Variants in RUNDC1 observed in about 807,000 individuals in gnomAD.
RUNDC1 encodes the protein RUN domain containing 1.
A neutral mutation model predicts 49.3 loss-of-function variants in RUNDC1; 31 were observed. The ratio of observed to expected loss-of-function variants is 0.63; its 90% CI spans 0.47 to 0.85. RUNDC1 has a LOEUF of 0.85. RUNDC1 is among the 40% of genes least tolerant of loss of function. The probability of loss-of-function intolerance (pLI) is 0.00; values close to 1 mark genes in which losing one functional copy is unlikely to be tolerated. For missense variants in RUNDC1, 715 were observed against 806.7 expected, an observed-to-expected ratio of 0.89 and a Z score of 1.38; for synonymous variants, 347 against 348.6, an observed-to-expected ratio of 1.00 and a Z score of 0.05.
chr17:42,990,524 G>A, intron 4 of RUNDC1, 88 bp downstream of exon 4: 1 of 1,346,376 alleles, frequency 7.4e-7, no homozygotes, highest in Non-Finnish European at 1.0e-6. Context: ...GAGGAGAAGA[G>A]GGGAATGAGA....
At chr17:42,981,889 T>G (rs1195328418) in intron 1 of RUNDC1, 1 of 152,162 alleles carries the variant, frequency 6.6e-6, no homozygotes, top group East Asian at 1.9e-4. Context: ...GTAGTGAAAC[T>G]ATGTATAAGA....
chr17:42,980,715 G>A lies in RUNDC1; in HGVS notation c.139G>A (p.Ala47Thr). 6.5e-7 allele frequency: 1 copy of A among 1,549,954 alleles called. No homozygotes were observed. Among genetic ancestry groups the A allele is most frequent in the South Asian group, 1.2e-5 (1 of 84,892 alleles). Residue 47 changes from alanine to threonine, a missense_variant, in exon 1 of 5, where the codon GCG becomes ACG. Coordinates refer to ENST00000361677, the MANE Select transcript of RUNDC1 (RefSeq NM_173079.5). ...GCGCTGGGCCCCAGTGGGGGCGGTG[G>A]CGGAGGCCCGGCCTGGGGCAACCGC... ...AVRWAPVGAV[A>T]EARPGATAFL...
Position 42,993,716 on chromosome 17 carries a change from G to A in RUNDC1, c.*2000G>A, listed in dbSNP as rs1401980607. On this transcript the variant is annotated 3_prime_UTR_variant, in exon 5 of 5. Transcript: ENST00000361677. Reference sequence around the variant, plus strand: ...CCTGTATCCTCTGTCCTCTGTTACGGATCATCTCAGCTTTGGTGGTGGTAG... The same window carrying A: ...CCTGTATCCTCTGTCCTCTGTTACGAATCATCTCAGCTTTGGTGGTGGTAG... The A allele has an allele frequency of 6.6e-6, 1 of 152,058 alleles. No homozygotes were observed. The highest frequency in any genetic ancestry group is 6.6e-5 in the Admixed American group (1 of 15,242). 9.4% of individuals were successfully genotyped at this position (152,058 alleles called of 1,614,324 possible).
At position 42,991,167 on chromosome 17, in the gene RUNDC1, G is replaced by A. The variant is rs763857356; in HGVS notation, c.1293G>A (p.Thr431=). 27 of 1,614,076 alleles carry A rather than the reference G, an allele frequency of 1.7e-5. No individual in the cohort carries two copies. The highest frequency in any genetic ancestry group is 1.6e-4 in the Middle Eastern group (1 of 6,084). ...CTATGGCTGTGCGGAAGGAGCTAACGGTGGCTGTGAGGGACCTGCTGGCCC... is the reference window on the plus strand; with the variant it reads ...CTATGGCTGTGCGGAAGGAGCTAACAGTGGCTGTGAGGGACCTGCTGGCCC... ...ELTMAVRKEL[T]VAVRDLLAHG... Residue 431 remains threonine (T), a synonymous_variant, in exon 5 of 5, where the codon ACG becomes ACA. Coordinates refer to ENST00000361677, the MANE Select transcript of RUNDC1 (RefSeq NM_173079.5).
In RUNDC1 at chr17:42,994,897, G is replaced by T. The variant is rs1266652009; in HGVS notation, c.*3181G>T. 1.2e-4 allele frequency among the ~76,000 whole-genome samples: 19 copies of T among 152,194 alleles called. No homozygotes were observed. Among genetic ancestry groups the T allele is most frequent in the Non-Finnish European group, 1.5e-5 (1 of 68,028 alleles). On this transcript the variant is annotated 3_prime_UTR_variant, in exon 5 of 5. Coordinates refer to ENST00000361677, the MANE Select transcript of RUNDC1 (RefSeq NM_173079.5). The stretch of plus-strand genomic sequence containing the variant: ...TGGAAGGGTCAAGAGCCACGGATAT[G>T]TATGCAGTGGAAATGTAGGGTGTGT...
Position 42,991,831 on chromosome 17 carries a change from G to C in RUNDC1, c.*115G>C. 1 of 1,172,090 alleles carries C rather than the reference G, an allele frequency of 8.5e-7. No individual in the cohort carries two copies. 72.6% of individuals were successfully genotyped at this position (1,172,090 alleles called of 1,614,324 possible). On this transcript the variant is annotated 3_prime_UTR_variant, in exon 5 of 5. Transcript: ENST00000361677. The stretch of plus-strand genomic sequence containing the variant: ...GTTAAAGGCATTTTTCCCAGACCCT[G>C]CTCAGGCAGTCGGCCAAATGAGTGC...
In RUNDC1 at chr17:42,980,803, C is replaced by T. The variant is rs1264118777; in HGVS notation, c.227C>T (p.Pro76Leu). ...GCCCCGGGCTCCCCGCCGGATTCGC[C>T]GGGCCGGACGCTGCGGCGGCTGCGG... The part of the protein sequence containing the change: ...GAAPGSPPDS[P>L]GRTLRRLRAE... The change falls in exon 1 of 5, where the codon CCG becomes CTG. Residue 76 changes from proline to leucine, a missense_variant. Pro to Leu is a moderately conservative substitution (Grantham distance 98, BLOSUM62 -3). This residue lies in a region of RUNDC1 where 153 missense variants were observed against 139.4 expected (regional missense o/e 1.10). Transcript: ENST00000361677. 7.2e-7 allele frequency: 1 copy of T among 1,382,522 alleles called. No individual in the cohort carries two copies. The allele number at this position is 1,382,522 out of a possible 1,614,324, so 85.6% of individuals were successfully genotyped here.
chr17:42,984,426 A>T (rs963085326), intron 1 of RUNDC1, among the ~76,000 whole-genome samples: 3 of 151,940 alleles, frequency 2.0e-5, no homozygotes, highest in Admixed American at 1.3e-4. Flanking sequence ...GACTGCAGGC[A>T]TGTGCCACTA....
At position 42,991,431 on chromosome 17, in the gene RUNDC1, C is replaced by T. The variant is rs200841189; in HGVS notation, c.1557C>T (p.Ala519=). The T allele has an allele frequency of 3.1e-6, 5 of 1,614,242 alleles. No homozygotes were observed. In the East Asian group the frequency reaches 8.9e-5, roughly 29 times the overall value. ...CCCCCAAACAGAGCCTACTGACAGC[C>T]ATCCACATGGTGCTGACAGAGCATG... ...VVTPKQSLLT[A]IHMVLTEHDP... is the part of the protein sequence containing the mutation. Residue 519 remains alanine, a synonymous_variant, in exon 5 of 5, where the codon GCC becomes GCT. Transcript: ENST00000361677.
intron 1 of RUNDC1, among the ~76,000 whole-genome samples, chr17:42,983,648 A>G (rs2050132086): frequency 6.6e-6 from 1 of 150,540 alleles, no homozygotes; most frequent in South Asian, 2.1e-4. Flanking sequence ...GCTGGATTAC[A>G]GGCATGAACC....
At position 42,990,368 on chromosome 17, in the gene RUNDC1, C is replaced by T. The variant is rs1289848937; in HGVS notation, c.908C>T (p.Ala303Val). Residue 303 changes from alanine (A) to valine (V), a missense_variant, in exon 4 of 5, where the codon GCC (alanine) becomes GTC (valine). Ala to Val is a moderately conservative substitution (Grantham distance 64). Transcript: ENST00000361677. Reference protein sequence around the residue: ...QTGGGHCECKAGGKTGNGCSR... With the variant: ...QTGGGHCECKVGGKTGNGCSR... ...GGTGGTGGACACTGTGAGTGCAAGG[C>T]CGGTGGGAAGACAGGAAATGGCTGC... 25 of 1,613,910 alleles carry T rather than the reference C, an allele frequency of 1.5e-5. No individual in the cohort carries two copies. The highest frequency in any genetic ancestry group is 2.1e-5 in the Non-Finnish European group (25 of 1,180,008).
rs1430491505 is a variant in RUNDC1, at chr17:42,991,713, T to A, written c.1839T>A (p.Phe613Leu). 1 of 1,608,870 alleles carries A rather than the reference T, an allele frequency of 6.2e-7. No individual in the cohort carries two copies. Among genetic ancestry groups the A allele is most frequent in the Non-Finnish European group, 8.5e-7 (1 of 1,177,792 alleles). The change falls in exon 5 of 5, where the codon TTT becomes TTA. Residue 613 changes from phenylalanine to leucine, a missense_variant. Physicochemically the swap from Phe to Leu is conservative, Grantham distance 22 (BLOSUM62 0). Around this residue, in one of 5 missense-constraint regions of RUNDC1, gnomAD observed 425 missense variants for 499.7 expected, o/e 0.85. Transcript: ENST00000361677. ...VRQLKNIKDA[F>L] ...AGCTCAAAAACATCAAAGATGCCTT[T>A]TGATGAGAGTGCCCTAACCCCAGAC...
chr17:42,986,805 TTA>T (rs1411898348), intron 1 of RUNDC1, among the ~76,000 whole-genome samples: 1 of 152,018 alleles, frequency 6.6e-6, no homozygotes, highest in Non-Finnish European at 1.5e-5. Context: ...GGCCAGCTGG[TTA>T]TGAGTTTTAA....
At position 42,989,406 on chromosome 17, in the gene RUNDC1, C is replaced by T. The variant is rs1401022138; in HGVS notation, c.723C>T (p.Ser241=). 8.1e-6 allele frequency: 13 copies of T among 1,613,874 alleles called. 1 individual carries two copies. The highest frequency in any genetic ancestry group is 3.3e-4 in the Middle Eastern group (2 of 6,082). ...TGAATGAGGACATCAGTTCCCTGTC[C>T]ACTGAAGAGCTTCGTCAGCGTGTAG... ...MNLNEDISSL[S]TEELRQRVDA... Residue 241 remains serine (S), a synonymous_variant, in exon 3 of 5, where the codon TCC becomes TCT. Coordinates refer to ENST00000361677, the MANE Select transcript of RUNDC1 (RefSeq NM_173079.5).
Position 42,989,655 on chromosome 17 carries a change from G to T in RUNDC1, c.856+116G>T. The T allele has an allele frequency of 7.5e-6, 7 of 931,500 alleles. No homozygotes were observed. The South Asian group carries it at 9.3e-5, about 12-fold the overall frequency. 57.7% of individuals were successfully genotyped at this position (931,500 alleles called of 1,614,324 possible). A position where few individuals can be genotyped will look rare whatever the true frequency, so the allele number is the denominator to read the frequency against. On this transcript the variant is annotated intron_variant, in intron 3 of 4. Coordinates refer to ENST00000361677, the MANE Select transcript of RUNDC1 (RefSeq NM_173079.5). ...TTTTTGTTCTTTTTTGGGCGGTGGG[G>T]ACAGTGTCTCTCTCTGTTCCCCTGG...
At position 42,991,232 on chromosome 17, in the gene RUNDC1, T is replaced by C. The variant is rs368096797; in HGVS notation, c.1358T>C (p.Met453Thr). ...TCCTCCCCAGGGATGAGCCTTGTTA[T>C]GGCTCCTATTGCTTGTTTGCTGCCA... The part of the protein sequence containing the change: ...YASSPGMSLV[M>T]APIACLLPAF... Residue 453 changes from methionine to threonine, a missense_variant, in exon 5 of 5, where the codon ATG becomes ACG. Met to Thr is a moderately conservative substitution (Grantham distance 81, BLOSUM62 -1). Coordinates refer to ENST00000361677, the MANE Select transcript of RUNDC1 (RefSeq NM_173079.5). 4 of 1,614,122 alleles carry C rather than the reference T, an allele frequency of 2.5e-6. No homozygotes were observed. The African/African-American group carries it at 4.0e-5, about 16-fold the overall frequency.
Position 42,992,850 on chromosome 17 carries a change from TC to T in RUNDC1, c.*1136del, listed in dbSNP as rs1567734427. The T allele has an allele frequency of 6.6e-6, 1 of 152,208 alleles. No individual in the cohort carries two copies. Among genetic ancestry groups the T allele is most frequent in the Admixed American group, 6.5e-5 (1 of 15,270 alleles). The allele number at this position is 152,208 out of a possible 1,614,324, so 9.4% of individuals were successfully genotyped here. The stretch of plus-strand genomic sequence containing the variant: ...TTTCTTGTAGAGGTAAGTAAAATCT[TC>T]CTGACAAGGTAGTCCTCTTTTCATG... On this transcript the variant is annotated 3_prime_UTR_variant, in exon 5 of 5. Transcript: ENST00000361677.
At position 42,991,278 on chromosome 17, in the gene RUNDC1, G is replaced by A. The variant is rs1260009784; in HGVS notation, c.1404G>A (p.Glu468=). The part of the protein sequence containing the change: ...CLLPAFSSAP[E]AMHPWELFVK... The stretch of plus-strand genomic sequence containing the variant: ...TGCCAGCCTTCTCCTCGGCCCCAGA[G>A]GCCATGCACCCGTGGGAGCTCTTTG... Residue 468 remains glutamate (E), a synonymous_variant, in exon 5 of 5, where the codon GAG becomes GAA. Transcript: ENST00000361677. 6.2e-7 allele frequency: 1 copy of A among 1,614,196 alleles called. No individual in the cohort carries two copies. The highest frequency in any genetic ancestry group is 8.5e-7 in the Non-Finnish European group (1 of 1,180,048).
rs1397303918 is a variant in RUNDC1, at chr17:42,991,143, T to A, written c.1269T>A (p.Thr423=). 1 of 1,614,208 alleles carries A rather than the reference T, an allele frequency of 6.2e-7. No individual in the cohort carries two copies. Residue 423 remains threonine (T), a synonymous_variant, in exon 5 of 5, where the codon ACT becomes ACA. Transcript: ENST00000361677. ...CTCTGGGAGGCAAGGATGAGCTGAC[T>A]ATGGCTGTGCGGAAGGAGCTAACGG... ...DLSLGGKDEL[T]MAVRKELTVA...
Sources: gnomAD v4.1 joint callset for allele counts (sites outside exome capture counted in the v4.1 genomes callset) on GRCh38, gnomAD v4.1.1 for gene constraint, gnomAD v4.1.1 regional missense constraint, MANE v1.5 for transcripts, NCBI Gene and HGNC (gene_info 2026-07-23, HGNC 2026-07-21) for gene names.